Variants in TCF7L1 observed in about 807,000 individuals in gnomAD.
The protein encoded by TCF7L1 is transcription factor 7-like 1.
Under a neutral mutation model 63.7 loss-of-function variants are expected in TCF7L1, and 18 were observed. That is an observed-to-expected ratio of 0.28 (90% CI 0.20 to 0.42). The LOEUF (loss-of-function observed/expected upper bound fraction) is 0.42, where lower values mean the gene tolerates loss of function less well. Ranked by LOEUF, TCF7L1 falls within the 10% of genes least tolerant of loss-of-function variation. The probability of loss-of-function intolerance (pLI) is 1.00; values close to 1 mark genes in which losing one functional copy is unlikely to be tolerated. For missense variants in TCF7L1, 654 were observed against 779.3 expected (o/e 0.84, Z 1.91); for synonymous variants, 355 against 340.9 (o/e 1.04, Z -0.46).
chr2:85,284,960 G>A (rs541485846), intron 4 of TCF7L1, among the ~76,000 whole-genome samples: 23 of 152,188 alleles, frequency 1.5e-4, no homozygotes, highest in East Asian at 5.8e-4. Flanking sequence ...ATAGCTGGGC[G>A]CAGTGGCTCA....
intron 3 of TCF7L1, among the ~76,000 whole-genome samples, chr2:85,153,205 T>C (rs1473751566): frequency 6.6e-6 from 1 of 152,196 alleles, no homozygotes; most frequent in Admixed American, 6.5e-5. Context: ...ATCTACCTCA[T>C]AGTTGCAAAG....
chr2:85,205,541 T>C (rs1345071412), intron 3 of TCF7L1, among the ~76,000 whole-genome samples: 1 of 151,988 alleles, frequency 6.6e-6, no homozygotes, highest in African/African-American at 2.4e-5. Flanking sequence ...CACATTGTTT[T>C]TTTTTTTTTT....
At chr2:85,189,284 C>T (rs574546356) in intron 3 of TCF7L1, among the ~76,000 whole-genome samples, 2 of 152,106 alleles carry the variant, frequency 1.3e-5, no homozygotes, top group South Asian at 4.2e-4. Flanking sequence ...AAATATTGGC[C>T]GTGTCCTTTC....
chr2:85,188,672 T>C (rs894981385), intron 3 of TCF7L1, among the ~76,000 whole-genome samples: 3 of 152,260 alleles, frequency 2.0e-5, no homozygotes, highest in Admixed American at 1.3e-4. Context: ...GTTGTGTTTT[T>C]CCCTGTCCTT....
intron 3 of TCF7L1, among the ~76,000 whole-genome samples, chr2:85,270,006 A>G (rs188095884): frequency 1.3e-5 from 2 of 152,228 alleles, no homozygotes; most frequent in Admixed American, 6.5e-5. Context: ...CTCCTCAGAC[A>G]TTTCCCATCT....
intron 3 of TCF7L1, among the ~76,000 whole-genome samples, chr2:85,217,738 G>A (rs1459449253): frequency 2.0e-5 from 3 of 152,094 alleles, no homozygotes; most frequent in Admixed American, 6.5e-5. Context: ...GAAGTGTTTC[G>A]CAGTTTTGGA....
At chr2:85,255,590 A>C (rs1680696703) in intron 3 of TCF7L1, among the ~76,000 whole-genome samples, 1 of 152,172 alleles carries the variant, frequency 6.6e-6, no homozygotes, top group Non-Finnish European at 1.5e-5. Context: ...GCCGGGAGAA[A>C]GGAGAAGCCT....
intron 3 of TCF7L1, among the ~76,000 whole-genome samples, chr2:85,188,117 G>T (rs946504588): frequency 6.6e-6 from 1 of 152,192 alleles, no homozygotes; most frequent in Non-Finnish European, 1.5e-5. Context: ...GTGGTTGCCA[G>T]GTGCTAGGGA....
chr2:85,180,843 C>T (rs111360044), intron 3 of TCF7L1, among the ~76,000 whole-genome samples: 1 of 152,204 alleles, frequency 6.6e-6, no homozygotes, highest in East Asian at 1.9e-4. Flanking sequence ...TGGGAGGTTG[C>T]ATGATGTGCC....
At chr2:85,266,943 A>G (rs1680989639) in intron 3 of TCF7L1, among the ~76,000 whole-genome samples, 1 of 152,224 alleles carries the variant, frequency 6.6e-6, no homozygotes, top group Admixed American at 6.5e-5. Flanking sequence ...TTGGTGGGAC[A>G]GCTCACCCCA....
chr2:85,222,364 CA>C (rs1217020917), intron 3 of TCF7L1, among the ~76,000 whole-genome samples: 61 of 105,882 alleles, frequency 5.8e-4, no homozygotes, highest in Middle Eastern at 0.011. Context: ...AACAAACAAA[CA>C]AAAAAAAAAA....
chr2:85,210,886 C>T (rs1243914914), intron 3 of TCF7L1, among the ~76,000 whole-genome samples: 4 of 152,276 alleles, frequency 2.6e-5, no homozygotes, highest in South Asian at 2.1e-4. Flanking sequence ...TGTGGAGAAT[C>T]GCAGCAACCT....
chr2:85,205,843 C>T (rs1156689693), intron 3 of TCF7L1, among the ~76,000 whole-genome samples: 2 of 152,210 alleles, frequency 1.3e-5, no homozygotes, highest in Non-Finnish European at 2.9e-5. Context: ...ATTCTAGCTG[C>T]TCAAGCAGTT....
At position 85,305,689 on chromosome 2, in the gene TCF7L1, G is replaced by A. The variant is rs148517664; in HGVS notation, c.989+286G>A. Among the ~76,000 whole-genome samples, 808 of 152,210 alleles carry A rather than the reference G, an allele frequency of 5.3e-3. 9 individuals carry two copies. Among genetic ancestry groups the A allele is most frequent in the African/African-American group, 0.019 (777 of 41,512 alleles). On this transcript the variant is annotated intron_variant, in intron 8 of 11. Transcript: ENST00000282111. ...CTGAGAAAGCTTTTAACACCCCACC[G>A]TAAGATATATGAAAAGGTGAGGCCC...
chr2:85,219,594 G>C (rs527925691), intron 3 of TCF7L1, among the ~76,000 whole-genome samples: 1 of 152,136 alleles, frequency 6.6e-6, no homozygotes, highest in South Asian at 2.1e-4. Context: ...AAAGTAAGTG[G>C]CTAGGCTGGG....
chr2:85,277,553 G>A (rs1681303766), intron 3 of TCF7L1, among the ~76,000 whole-genome samples: 1 of 152,134 alleles, frequency 6.6e-6, no homozygotes, highest in Non-Finnish European at 1.5e-5. Flanking sequence ...GGTCCAGAGA[G>A]GCAGGAAGGA....
At chr2:85,295,283 C>T (rs1256246485) in intron 4 of TCF7L1, among the ~76,000 whole-genome samples, 1 of 152,108 alleles carries the variant, frequency 6.6e-6, no homozygotes, top group African/African-American at 2.4e-5. Flanking sequence ...CTCACCGCAA[C>T]CTTTGCCTCC....
chr2:85,188,433 A>C (rs942966218), intron 3 of TCF7L1, among the ~76,000 whole-genome samples: 1 of 152,188 alleles, frequency 6.6e-6, no homozygotes, highest in Non-Finnish European at 1.5e-5. Flanking sequence ...TTTTTTTCCA[A>C]CTTCCTATGA....
intron 3 of TCF7L1, among the ~76,000 whole-genome samples, chr2:85,171,271 C>G (rs567390294): frequency 6.6e-6 from 1 of 152,296 alleles, no homozygotes; most frequent in South Asian, 2.1e-4. Flanking sequence ...TTCCATGACT[C>G]GTGGGAATTG....
Sources: allele counts gnomAD v4.1 joint callset (sites outside exome capture counted in the v4.1 genomes callset), GRCh38; gene constraint gnomAD v4.1.1; transcripts MANE v1.5; gene names NCBI Gene and HGNC (gene_info 2026-07-23, HGNC 2026-07-21).